PLCB1: variants seen among roughly 807,000 people sequenced by gnomAD.
PLCB1 encodes 1-phosphatidylinositol 4,5-bisphosphate phosphodiesterase beta-1.
Under a neutral mutation model 161.8 loss-of-function variants are expected in PLCB1, and 46 were observed. That is an observed-to-expected ratio of 0.28 (90% confidence interval 0.22 to 0.36). PLCB1 has a LOEUF of 0.36. Among genes scored for constraint, PLCB1 ranks in the 10% least tolerant of loss-of-function variants. PLCB1 has a pLI of 1.00. For missense variants in PLCB1, 1,016 were observed against 1,472.5 expected, an observed-to-expected ratio of 0.69 and a Z score of 5.07; for synonymous variants, 517 against 503.7, an observed-to-expected ratio of 1.03 and a Z score of -0.35.
At chr20:8,164,519 G>A (rs1442789992) in intron 2 of PLCB1, among the ~76,000 whole-genome samples, 5 of 152,302 alleles carry the variant, frequency 3.3e-5, no homozygotes, top group Non-Finnish European at 7.3e-5. Flanking sequence ...GTGTCCAGGT[G>A]CCATTTCCAT....
intron 4 of PLCB1, among the ~76,000 whole-genome samples, chr20:8,629,922 C>A (rs1306487110): frequency 7.2e-6 from 1 of 138,708 alleles, no homozygotes; most frequent in African/African-American, 2.7e-5. Flanking sequence ...CCTTTCTTTC[C>A]TCTCTTCTTT....
intron 3 of PLCB1, among the ~76,000 whole-genome samples, chr20:8,508,732 T>G (rs1983750201): frequency 6.6e-6 from 1 of 152,128 alleles, no homozygotes; most frequent in Admixed American, 6.5e-5. Context: ...AATGCAATGA[T>G]TATTTAAAAA....
intron 31 of PLCB1, among the ~76,000 whole-genome samples, chr20:8,833,816 C>T (rs1269323407): frequency 2.6e-5 from 4 of 152,160 alleles, no homozygotes; most frequent in African/African-American, 9.7e-5. Flanking sequence ...CTGTTTCCTC[C>T]ATTTATTCAT....
At chr20:8,533,077 T>C (rs1158822132) in intron 3 of PLCB1, among the ~76,000 whole-genome samples, 1 of 147,294 alleles carries the variant, frequency 6.8e-6, no homozygotes, top group East Asian at 2.2e-4. Context: ...TGTGTTCTCA[T>C]TGTTCAATTC....
At chr20:8,416,251 G>T (rs1037481895) in intron 3 of PLCB1, among the ~76,000 whole-genome samples, 3 of 152,070 alleles carry the variant, frequency 2.0e-5, no homozygotes, top group African/African-American at 4.8e-5. Context: ...TCTGATCTTT[G>T]TATGCATTTA....
chr20:8,144,338 GATT>G (rs2051432817), intron 1 of PLCB1, among the ~76,000 whole-genome samples: 1 of 152,124 alleles, frequency 6.6e-6, no homozygotes, highest in African/African-American at 2.4e-5. Context: ...TTCTCTCGTG[GATT>G]ATCTGAAGGA....
intron 22 of PLCB1, among the ~76,000 whole-genome samples, chr20:8,740,661 A>C (rs1470024064): frequency 6.6e-6 from 1 of 152,174 alleles, no homozygotes; most frequent in Non-Finnish European, 1.5e-5. Context: ...TAAAATCACA[A>C]CACCTCAGTT....
chr20:8,788,600 C>A (rs997690763), intron 28 of PLCB1, 33 bp from the exon 29 acceptor site: 1 of 1,594,142 alleles, frequency 6.3e-7, no homozygotes, highest in Admixed American at 1.7e-5. Context: ...TGATTTGCCT[C>A]TTTTTTCTCT....
intron 31 of PLCB1, among the ~76,000 whole-genome samples, chr20:8,807,621 A>G (rs1422626916): frequency 1.3e-5 from 2 of 151,504 alleles, no homozygotes; most frequent in African/African-American, 4.9e-5. Flanking sequence ...CACAGCAGGC[A>G]CTGGGCTAGG....
chr20:8,756,219 C>G (rs1203907387), intron 23 of PLCB1, among the ~76,000 whole-genome samples: 1 of 152,134 alleles, frequency 6.6e-6, no homozygotes, highest in Non-Finnish European at 1.5e-5. Context: ...TAAGTATTAA[C>G]TTATTTAATC....
intron 2 of PLCB1, among the ~76,000 whole-genome samples, chr20:8,181,110 G>A (rs1456515219): frequency 6.6e-6 from 1 of 151,762 alleles, no homozygotes; most frequent in African/African-American, 2.4e-5. Flanking sequence ...AATTAGCCAG[G>A]CGTGGTGGCA....
At chr20:8,539,664 C>CTTTT (rs1555768765) in intron 3 of PLCB1, among the ~76,000 whole-genome samples, 2 of 93,746 alleles carry the variant, frequency 2.1e-5, no homozygotes, top group African/African-American at 8.7e-5. Flanking sequence ...TTCTTTCTTT[C>CTTTT]TTTCTTTCTT....
chr20:8,243,833 CA>C (rs1980735810), intron 2 of PLCB1, among the ~76,000 whole-genome samples: 1 of 151,824 alleles, frequency 6.6e-6, no homozygotes, highest in South Asian at 2.1e-4. Flanking sequence ...TTTCTAATAC[CA>C]CCAAAGTGGT....
At chr20:8,629,818 T>TTTCTTTCTG (rs1988479067) in intron 4 of PLCB1, among the ~76,000 whole-genome samples, 3 of 69,974 alleles carry the variant, frequency 4.3e-5, no homozygotes, top group Non-Finnish European at 5.9e-5. Flanking sequence ...TTTTCTTTCT[T>TTTCTTTCTG]TTCTTTCTTT....
At chr20:8,716,947 G>A (rs1414788003) in intron 13 of PLCB1, among the ~76,000 whole-genome samples, 1 of 152,186 alleles carries the variant, frequency 6.6e-6, no homozygotes, top group Non-Finnish European at 1.5e-5. Flanking sequence ...TGCAAGCCAA[G>A]AATAGAGGAC....
chr20:8,883,408 A>C lies in PLCB1; in HGVS notation c.*1559A>C, dbSNP rs1377261902. The C allele has an allele frequency of 1.3e-5, 2 of 152,068 alleles. No homozygotes were observed. The highest frequency in any genetic ancestry group is 2.9e-5 in the Non-Finnish European group (2 of 67,978). 9.4% of individuals were successfully genotyped at this position (152,068 alleles called of 1,614,324 possible). On this transcript the variant is annotated 3_prime_UTR_variant, in exon 32 of 32. Coordinates refer to ENST00000338037, the MANE Select transcript of PLCB1 (RefSeq NM_015192.4). ...AATTGAAAGTTCTGAAAAAAGAAAA[A>C]TAATAATATGTAGAAAAATGTAACT...
chr20:8,831,900 CTCTCTTTCTT>C (rs5840293), intron 31 of PLCB1, among the ~76,000 whole-genome samples: 8,475 of 129,200 alleles, frequency 0.066, 1,042 homozygotes, highest in East Asian at 0.18. Flanking sequence ...TTCTTTCTCC[CTCTCTTTCTT>C]TCTCTTTCTT....
intron 3 of PLCB1, among the ~76,000 whole-genome samples, chr20:8,590,912 AACCC>A (rs1987129587): frequency 6.6e-6 from 1 of 152,026 alleles, no homozygotes; most frequent in Non-Finnish European, 1.5e-5. Flanking sequence ...TGCACCTATC[AACCC>A]ATCACCTAGG....
intron 2 of PLCB1, among the ~76,000 whole-genome samples, chr20:8,152,286 G>A (rs1186305680): frequency 6.9e-6 from 1 of 144,634 alleles, no homozygotes; most frequent in Non-Finnish European, 1.5e-5. Flanking sequence ...AAAGATGAGA[G>A]GATTTAAGAA....
Sources: allele counts gnomAD v4.1 joint callset (sites outside exome capture counted in the v4.1 genomes callset), GRCh38; gene constraint gnomAD v4.1.1; transcripts MANE v1.5; gene names NCBI Gene and HGNC (gene_info 2026-07-23, HGNC 2026-07-21).